The following LRP1B variants were observed in gnomAD, a reference collection of about 807,000 sequenced individuals.
LRP1B encodes the protein LDL receptor related protein 1B.
LRP1B carries 217 observed loss-of-function variants against 556.6 expected under a neutral mutation model. The ratio of observed to expected loss-of-function variants is 0.39; its 90% CI spans 0.35 to 0.44. The LOEUF (loss-of-function observed/expected upper bound fraction) is 0.44, where lower values mean the gene tolerates loss of function less well. LRP1B is among the 20% of genes least tolerant of loss of function. The pLI, the probability that LRP1B is intolerant of heterozygous loss-of-function variation, is 1.00. For missense variants in LRP1B, 5,053 were observed against 5,620.8 expected, an observed-to-expected ratio of 0.90 and a Z score of 3.23; for synonymous variants, 2,047 against 1,865.8, an observed-to-expected ratio of 1.10 and a Z score of -2.50.
At chr2:141,182,570 T>C (rs1415640143) in intron 7 of LRP1B, among the ~76,000 whole-genome samples, 1 of 151,922 alleles carries the variant, frequency 6.6e-6, no homozygotes, top group African/African-American at 2.4e-5. Context: ...AAGTCCCAGA[T>C]ACCTGGGAGA....
intron 7 of LRP1B, among the ~76,000 whole-genome samples, chr2:141,104,049 T>G (rs1700538931): frequency 1.3e-5 from 2 of 151,998 alleles, no homozygotes; most frequent in South Asian, 4.1e-4. Flanking sequence ...TTGTTTGAGC[T>G]TATACGTCAA....
intron 84 of LRP1B, among the ~76,000 whole-genome samples, chr2:140,279,166 A>G (rs1175293072): frequency 1.3e-5 from 2 of 151,972 alleles, no homozygotes; most frequent in African/African-American, 4.8e-5. Context: ...ACTCCTGAAC[A>G]CAGGAGAAAG....
intron 3 of LRP1B, among the ~76,000 whole-genome samples, chr2:141,271,610 G>T (rs1685093569): frequency 6.6e-6 from 1 of 151,716 alleles, no homozygotes; most frequent in East Asian, 1.9e-4. Context: ...AGAAAAAAAT[G>T]CCAACCAAGA....
chr2:142,067,040 C>T (rs1160388843), intron 1 of LRP1B, among the ~76,000 whole-genome samples: 2 of 151,550 alleles, frequency 1.3e-5, no homozygotes, highest in African/African-American at 2.4e-5. Context: ...ATAGATCTCT[C>T]CTGTCTTCAA....
At chr2:142,010,536 C>G (rs1702926087) in intron 1 of LRP1B, among the ~76,000 whole-genome samples, 1 of 106,160 alleles carries the variant, frequency 9.4e-6, no homozygotes, top group South Asian at 3.3e-4. Flanking sequence ...GGCTGGGCGA[C>G]AGAGCAAGAT....
chr2:141,220,752 C>T (rs546001516), intron 6 of LRP1B, among the ~76,000 whole-genome samples: 31 of 147,746 alleles, frequency 2.1e-4, no homozygotes, highest in African/African-American at 7.7e-4. Flanking sequence ...AGATTGGGGG[C>T]CAATATTCAA....
At chr2:140,312,950 C>T (rs1341076790) in intron 83 of LRP1B, among the ~76,000 whole-genome samples, 1 of 151,896 alleles carries the variant, frequency 6.6e-6, no homozygotes, top group Admixed American at 6.6e-5. Context: ...CTGCCCCAAA[C>T]CCTAGTTATA....
chr2:141,529,866 C>T (rs1240922508), intron 2 of LRP1B, among the ~76,000 whole-genome samples: 3 of 152,092 alleles, frequency 2.0e-5, no homozygotes, highest in African/African-American at 7.2e-5. Context: ...GAAAAATGAT[C>T]TACTGTACAA....
intron 1 of LRP1B, among the ~76,000 whole-genome samples, chr2:141,869,386 T>A (rs1698511956): frequency 6.6e-6 from 1 of 151,690 alleles, no homozygotes; most frequent in Non-Finnish European, 1.5e-5. Context: ...AACTTCAGAA[T>A]AAGGATGATA....
At chr2:141,400,055 G>A (rs927898919) in intron 3 of LRP1B, among the ~76,000 whole-genome samples, 12 of 152,022 alleles carry the variant, frequency 7.9e-5, no homozygotes, top group African/African-American at 2.4e-4. Context: ...GGGTGATCAC[G>A]TCTCCCGGCA....
chr2:142,100,078 T>G (rs930441279), intron 1 of LRP1B, among the ~76,000 whole-genome samples: 17 of 151,986 alleles, frequency 1.1e-4, no homozygotes, highest in African/African-American at 4.1e-4. Context: ...AGTGGGGTTT[T>G]CTACATTTAT....
At chr2:140,584,341 C>T (rs1681898247) in intron 43 of LRP1B, among the ~76,000 whole-genome samples, 2 of 151,740 alleles carry the variant, frequency 1.3e-5, no homozygotes, top group African/African-American at 2.4e-5. Context: ...GTATGCTTCT[C>T]CCTCTGTTCA....
intron 7 of LRP1B, among the ~76,000 whole-genome samples, chr2:141,069,850 T>A (rs1681586019): frequency 6.6e-6 from 1 of 151,940 alleles, no homozygotes; most frequent in African/African-American, 2.4e-5. Context: ...ATGTGCACAA[T>A]GTGCAGGTTA....
intron 7 of LRP1B, among the ~76,000 whole-genome samples, chr2:141,119,624 A>C (rs773197069): frequency 6.6e-6 from 1 of 151,784 alleles, no homozygotes; most frequent in Non-Finnish European, 1.5e-5. Context: ...CATTGTCCTG[A>C]AGAAATCCAA....
chr2:141,994,029 TAAGTC>T (rs1425467026), intron 1 of LRP1B, among the ~76,000 whole-genome samples: 3 of 152,218 alleles, frequency 2.0e-5, no homozygotes, highest in Non-Finnish European at 2.9e-5. Context: ...TGATTTGTTA[TAAGTC>T]AAGATCCAAA....
rs563715452 is a variant in LRP1B at position 141,952,270 on chromosome 2, G to T, written c.83-141869C>A. ...CTATCATTGATGGACATTTGGGTTG[G>T]TTCCAAGTCTTTGCTATTGTGAATA... is the stretch of plus-strand genomic sequence containing the variant. On this transcript the variant is annotated intron_variant, in intron 1 of 90. Transcript: ENST00000389484. 2.0e-5 allele frequency among the ~76,000 whole-genome samples: 3 copies of T among 151,984 alleles called. No individual in the cohort carries two copies. In the South Asian group the frequency reaches 6.2e-4, roughly 32 times the overall value.
At chr2:141,743,423 A>G (rs1030774581) in intron 2 of LRP1B, among the ~76,000 whole-genome samples, 2 of 148,930 alleles carry the variant, frequency 1.3e-5, no homozygotes, top group African/African-American at 5.0e-5. Flanking sequence ...TGCTTTTGGT[A>G]TCAGGGTAAC....
chr2:141,922,734 CTA>C (rs1180809127), intron 1 of LRP1B, among the ~76,000 whole-genome samples: 1 of 152,064 alleles, frequency 6.6e-6, no homozygotes, highest in African/African-American at 2.4e-5. Context: ...GAAATTGAGT[CTA>C]GAGTCACACA....
intron 43 of LRP1B, among the ~76,000 whole-genome samples, chr2:140,585,000 C>A (rs138611631): frequency 6.6e-6 from 1 of 151,898 alleles, no homozygotes; most frequent in African/African-American, 2.4e-5. Flanking sequence ...CATAGCAATG[C>A]ATCAGACTTT....
Sources: gnomAD v4.1 joint callset for allele counts (sites outside exome capture counted in the v4.1 genomes callset) on GRCh38, gnomAD v4.1.1 for gene constraint, MANE v1.5 for transcripts, NCBI Gene and HGNC (gene_info 2026-07-23, HGNC 2026-07-21) for gene names.